The following PRCC variants were observed in gnomAD, a reference collection of about 807,000 sequenced individuals.
PRCC encodes proline-rich protein PRCC.
PRCC carries 10 observed loss-of-function variants against 44.0 expected under a neutral mutation model. The observed-to-expected ratio is 0.23, with a 90% CI of 0.14 to 0.39. The LOEUF (loss-of-function observed/expected upper bound fraction) is 0.39, where lower values mean the gene tolerates loss of function less well. Among genes scored for constraint, PRCC ranks in the 10% least tolerant of loss-of-function variants. The pLI is 1.00. For missense variants in PRCC, 573 were observed against 624.7 expected (o/e 0.92, Z 0.88); for synonymous variants, 278 against 259.5 (o/e 1.07, Z -0.69).
chr1:156,782,497 C>T (rs1652084070), intron 2 of PRCC, among the ~76,000 whole-genome samples, 168 bp downstream of exon 2: 1 of 152,192 alleles, frequency 6.6e-6, no homozygotes, highest in Non-Finnish European at 1.5e-5. Flanking sequence ...CCTTGTGCAT[C>T]TCTACCCTCT....
intron 1 of PRCC, among the ~76,000 whole-genome samples, chr1:156,780,444 T>G (rs1473107531): frequency 6.6e-6 from 1 of 151,264 alleles, no homozygotes; most frequent in Non-Finnish European, 1.5e-5. Flanking sequence ...TATTTTAAAT[T>G]TTATTATTTT....
intron 3 of PRCC, 183 bp from the exon 4 acceptor site, chr1:156,791,514 G>A (rs1277774365): frequency 1.7e-6 from 1 of 593,174 alleles, no homozygotes; most frequent in Non-Finnish European, 3.0e-6. Flanking sequence ...TGTAGGGACT[G>A]TTCTTGAGTT....
intron 3 of PRCC, among the ~76,000 whole-genome samples, chr1:156,787,472 TA>T (rs1652305884): frequency 1.7e-4 from 2 of 11,496 alleles, no homozygotes; most frequent in Non-Finnish European, 1.9e-4. Flanking sequence ...TATATATATA[TA>T]TATATATATA....
intron 2 of PRCC, among the ~76,000 whole-genome samples, chr1:156,782,534 T>G (rs1286412206): frequency 6.6e-6 from 1 of 152,196 alleles, no homozygotes; most frequent in African/African-American, 2.4e-5. Flanking sequence ...TTTAACATGC[T>G]GGTATTACCT....
intron 1 of PRCC, among the ~76,000 whole-genome samples, chr1:156,769,512 C>G (rs909336704): frequency 2.0e-5 from 3 of 152,202 alleles, no homozygotes; most frequent in Non-Finnish European, 4.4e-5. Flanking sequence ...AGTGAAAGAA[C>G]TCCAATATGG....
In PRCC at chr1:156,782,319, C is replaced by G; in HGVS notation, c.506C>G (p.Thr169Ser). ...GAAGATGAACCCACAAAGAAGAAAACTATCCTTCAGGTAAGCATTGTGATA... is the reference window on the plus strand; with the variant it reads ...GAAGATGAACCCACAAAGAAGAAAAGTATCCTTCAGGTAAGCATTGTGATA... ...SEEDEPTKKKTILQGSSEGTG... is the reference protein window; with the variant it reads ...SEEDEPTKKKSILQGSSEGTG... The change falls in exon 2 of 7, where the codon ACT (threonine) becomes AGT (serine). Residue 169 changes from threonine to serine, a missense_variant. Transcript: ENST00000271526. The G allele has an allele frequency of 6.2e-7, 1 of 1,607,150 alleles. No individual in the cohort carries two copies. Among genetic ancestry groups the G allele is most frequent in the Non-Finnish European group, 8.5e-7 (1 of 1,174,540 alleles).
chr1:156,782,189 A>G, intron 1 of PRCC, 93 bp from the exon 2 acceptor site: 2 of 1,166,332 alleles, frequency 1.7e-6, no homozygotes, highest in Non-Finnish European at 2.5e-6. Context: ...CAAGATGGCC[A>G]CTGTTGTCCA....
rs1359458621 is a variant in PRCC, at chr1:156,791,782, A to G, written c.1169A>G (p.Asp390Gly). 6.2e-7 allele frequency: 1 copy of G among 1,613,582 alleles called. No homozygotes were observed. Among genetic ancestry groups the G allele is most frequent in the Non-Finnish European group, 8.5e-7 (1 of 1,179,764 alleles). Residue 390 changes from aspartate to glycine, a missense_variant, in exon 4 of 7, where the codon GAT becomes GGT. Asp to Gly is a moderately conservative substitution (Grantham distance 94). Around this residue, in one of 4 missense-constraint regions of PRCC, gnomAD observed 69 missense variants for 139.3 expected, o/e 0.50. Transcript: ENST00000271526. The stretch of plus-strand genomic sequence containing the variant: ...ATTGCCCCAGATGCCTCCTTCATCG[A>G]TGACGAAGCAGTAAGTTAAGAAAGC... ...QEIAPDASFIDDEAFKRLQGK... is the reference protein window; with the variant it reads ...QEIAPDASFIGDEAFKRLQGK...
Position 156,770,710 on chromosome 1 carries a change from T to C in PRCC, c.468+2471T>C, listed in dbSNP as rs148690107. 2.3e-4 allele frequency among the ~76,000 whole-genome samples: 35 copies of C among 152,364 alleles called. No individual in the cohort carries two copies. The East Asian group carries it at 4.6e-3, about 20-fold the overall frequency. ...TTAAAAGAGCTGTGCCCCCTCCAGATGTAAGCCCCTCCAGTTCTGAGCTCT... is the reference window on the plus strand; with the variant it reads ...TTAAAAGAGCTGTGCCCCCTCCAGACGTAAGCCCCTCCAGTTCTGAGCTCT... On this transcript the variant is annotated intron_variant, in intron 1 of 6. Transcript: ENST00000271526.
chr1:156,800,710 G>GT lies in PRCC; in HGVS notation c.*254dup. 1 of 407,824 alleles carries GT rather than the reference G, an allele frequency of 2.5e-6. No homozygotes were observed. The highest frequency in any genetic ancestry group is 3.6e-5 in the East Asian group (1 of 28,084). 25.3% of individuals were successfully genotyped at this position (407,824 alleles called of 1,614,324 possible). A position where few individuals can be genotyped will look rare whatever the true frequency, so the allele number is the denominator to read the frequency against. ...AGGGGCTCTGAGTTCTGGGGTGGGAGTTTTGCTCTCTGTCAGGTGTGATAA... is the reference window on the plus strand; with the variant it reads ...AGGGGCTCTGAGTTCTGGGGTGGGAGTTTTTGCTCTCTGTCAGGTGTGATAA... On this transcript the variant is annotated 3_prime_UTR_variant, in exon 7 of 7. Coordinates refer to ENST00000271526, the MANE Select transcript of PRCC (RefSeq NM_005973.5).
At chr1:156,779,476 C>T (rs547828683) in intron 1 of PRCC, among the ~76,000 whole-genome samples, 193 of 152,000 alleles carry the variant, frequency 1.3e-3, no homozygotes, top group Middle Eastern at 3.4e-3. Context: ...AGCAATTCTC[C>T]TGCCTCAGCC....
intron 3 of PRCC, chr1:156,791,070 C>G (rs1269579989): frequency 1.4e-6 from 2 of 1,402,492 alleles, no homozygotes; most frequent in African/African-American, 2.9e-5. Flanking sequence ...CCTCTAGGGT[C>G]TGCAGCAACA....
At chr1:156,782,935 C>T (rs954146247) in intron 2 of PRCC, among the ~76,000 whole-genome samples, 13 of 151,808 alleles carry the variant, frequency 8.6e-5, no homozygotes, top group Middle Eastern at 3.4e-3. Context: ...GATGGAGTTT[C>T]GCTCTTGTTG....
chr1:156,789,073 G>A (rs1048484169), intron 3 of PRCC, among the ~76,000 whole-genome samples: 5 of 152,078 alleles, frequency 3.3e-5, no homozygotes, highest in Non-Finnish European at 7.4e-5. Flanking sequence ...AGGTTCAAGC[G>A]ATTCTCCCGC....
At position 156,767,606 on chromosome 1, in the gene PRCC, C is replaced by T; in HGVS notation, c.-166C>T. 2 of 670,996 alleles carry T rather than the reference C, an allele frequency of 3.0e-6. No individual in the cohort carries two copies. Among genetic ancestry groups the T allele is most frequent in the Non-Finnish European group, 5.0e-6 (2 of 400,748 alleles). The allele number at this position is 670,996 out of a possible 1,614,324, so 41.6% of individuals were successfully genotyped here. Reference sequence around the variant, plus strand: ...GAGGTACGCCTTGTTCGGTGGAAATCAGCCGTAGCCATGAGTTTCTGCCGG... The same window carrying T: ...GAGGTACGCCTTGTTCGGTGGAAATTAGCCGTAGCCATGAGTTTCTGCCGG... On this transcript the variant is annotated 5_prime_UTR_variant, in exon 1 of 7. Transcript: ENST00000271526.
At chr1:156,783,934 A>T (rs1360522379) in intron 2 of PRCC, among the ~76,000 whole-genome samples, 1 of 148,572 alleles carries the variant, frequency 6.7e-6, no homozygotes, top group African/African-American at 2.5e-5. Context: ...TGATGTTTGT[A>T]TTTATTTATT....
intron 5 of PRCC, chr1:156,796,620 T>TA (rs1412586387): frequency 6.6e-6 from 1 of 152,352 alleles, no homozygotes; most frequent in Non-Finnish European, 1.5e-5. Context: ...TCAGTGCAGT[T>TA]ACGGGCGGAG....
intron 2 of PRCC, among the ~76,000 whole-genome samples, chr1:156,784,551 G>A (rs977286679): frequency 1.3e-5 from 2 of 152,304 alleles, no homozygotes; most frequent in East Asian, 1.9e-4. Context: ...GGTGTGCTCC[G>A]CCCTGTACCT....
chr1:156,774,617 G>A (rs1476530020), intron 1 of PRCC, among the ~76,000 whole-genome samples: 1 of 152,030 alleles, frequency 6.6e-6, no homozygotes, highest in Non-Finnish European at 1.5e-5. Flanking sequence ...CTCCGCAGTA[G>A]CTGGGACTAC....
Sources: allele counts gnomAD v4.1 joint callset (sites outside exome capture counted in the v4.1 genomes callset), GRCh38; gene constraint gnomAD v4.1.1; regional missense constraint gnomAD v4.1.1; transcripts MANE v1.5; gene names NCBI Gene and HGNC (gene_info 2026-07-23, HGNC 2026-07-21).